PARD3B: variants seen among roughly 807,000 people sequenced by gnomAD.
The protein encoded by PARD3B is partitioning defective 3 homolog B.
PARD3B carries 103 observed loss-of-function variants against 130.2 expected under a neutral mutation model. The observed-to-expected ratio is 0.79, with a 90% confidence interval of 0.67 to 0.93. PARD3B has a LOEUF of 0.93. Among genes scored for constraint, PARD3B ranks in the 40% least tolerant of loss-of-function variants. The probability of loss-of-function intolerance (pLI) is 0.00; values close to 1 mark genes in which losing one functional copy is unlikely to be tolerated. For missense variants in PARD3B, 1,609 were observed against 1,499.2 expected (o/e 1.07, Z -1.21); for synonymous variants, 583 against 553.2 (o/e 1.05, Z -0.76).
At chr2:205,054,716 T>G (rs1699526310) in intron 4 of PARD3B, among the ~76,000 whole-genome samples, 1 of 151,892 alleles carries the variant, frequency 6.6e-6, no homozygotes, top group Non-Finnish European at 1.5e-5. Flanking sequence ...GACTAATCCC[T>G]TAGATGCCCA....
chr2:204,668,739 T>C (rs1412322705), intron 1 of PARD3B, among the ~76,000 whole-genome samples: 2 of 152,342 alleles, frequency 1.3e-5, no homozygotes, highest in South Asian at 4.1e-4. Context: ...GAAAGATGTC[T>C]ACTTCCTAGT....
At chr2:205,454,771 C>A (rs2048214892) in intron 20 of PARD3B, among the ~76,000 whole-genome samples, 1 of 152,108 alleles carries the variant, frequency 6.6e-6, no homozygotes, top group Non-Finnish European at 1.5e-5. Flanking sequence ...ATATACTATG[C>A]CCTCTACTGA....
intron 15 of PARD3B, among the ~76,000 whole-genome samples, chr2:205,224,479 T>G (rs2125879724): frequency 6.6e-6 from 1 of 151,736 alleles, no homozygotes; most frequent in South Asian, 2.1e-4. Context: ...ATACTAGATC[T>G]TATTCTGACT....
At chr2:205,342,970 A>G (rs767725305) in intron 18 of PARD3B, among the ~76,000 whole-genome samples, 11 of 152,174 alleles carry the variant, frequency 7.2e-5, no homozygotes, top group Non-Finnish European at 1.5e-4. Context: ...AGCTTTTACC[A>G]ATTTGGCAAC....
intron 10 of PARD3B, among the ~76,000 whole-genome samples, chr2:205,133,802 T>C (rs918430308): frequency 6.6e-6 from 1 of 152,212 alleles, no homozygotes; most frequent in Non-Finnish European, 1.5e-5. Context: ...TGTACTTGAC[T>C]TTCTCAGGTC....
intron 1 of PARD3B, among the ~76,000 whole-genome samples, chr2:204,607,095 A>C (rs954580459): frequency 3.9e-5 from 6 of 152,152 alleles, no homozygotes; most frequent in Non-Finnish European, 8.8e-5. Context: ...CATAGTCACT[A>C]GGGTTCTGAG....
intron 1 of PARD3B, among the ~76,000 whole-genome samples, chr2:204,599,951 A>T (rs1309926242): frequency 6.6e-6 from 1 of 151,582 alleles, no homozygotes; most frequent in Non-Finnish European, 1.5e-5. Flanking sequence ...GATGTTAAGC[A>T]TTTTTTCACA....
intron 2 of PARD3B, among the ~76,000 whole-genome samples, chr2:204,879,954 A>G (rs960802107): frequency 2.0e-5 from 3 of 152,222 alleles, no homozygotes; most frequent in African/African-American, 4.8e-5. Flanking sequence ...GATGATTAGT[A>G]GAGTTTCAGT....
rs183559462 is a variant in PARD3B, at chr2:205,521,752, T to G, written c.3180+21721T>G. On this transcript the variant is annotated intron_variant, in intron 21 of 22. Transcript: ENST00000406610. ...GTGAAATTGATAAGTACGTTTGTTTTTTTGTTTGTTTGTTTCTAACTTTAG... is the reference window on the plus strand; with the variant it reads ...GTGAAATTGATAAGTACGTTTGTTTGTTTGTTTGTTTGTTTCTAACTTTAG... Among the ~76,000 whole-genome samples the G allele has an allele frequency of 4.6e-5, 7 of 152,244 alleles. No individual in the cohort carries two copies. The East Asian group carries it at 9.6e-4, about 21-fold the overall frequency.
chr2:204,578,998 C>T (rs149605565), intron 1 of PARD3B, among the ~76,000 whole-genome samples: 27 of 151,908 alleles, frequency 1.8e-4, no homozygotes, highest in African/African-American at 6.3e-4. Context: ...TGTCAGGAAG[C>T]GTGTGGTCTT....
chr2:205,286,167 G>A (rs901696581), intron 16 of PARD3B, among the ~76,000 whole-genome samples: 4 of 151,950 alleles, frequency 2.6e-5, no homozygotes, highest in African/African-American at 9.7e-5. Context: ...TTTTGGGGGA[G>A]TATTAGCAGT....
chr2:205,468,664 T>C (rs538498963), intron 20 of PARD3B, among the ~76,000 whole-genome samples: 1 of 152,152 alleles, frequency 6.6e-6, no homozygotes, highest in Non-Finnish European at 1.5e-5. Context: ...GTAGCACTGG[T>C]TCTCACGTCT....
chr2:205,534,364 G>A (rs1310854984), intron 21 of PARD3B, among the ~76,000 whole-genome samples: 1 of 152,196 alleles, frequency 6.6e-6, no homozygotes, highest in Non-Finnish European at 1.5e-5. Flanking sequence ...GGAGCAAGAT[G>A]CTTGGGAAGC....
chr2:205,185,943 T>C (rs545677042), intron 14 of PARD3B, 80 bp downstream of exon 14: 4 of 1,111,814 alleles, frequency 3.6e-6, no homozygotes, highest in Non-Finnish European at 5.5e-6. Flanking sequence ...TCAGCAAACT[T>C]ATTTTAACTC....
At chr2:204,796,089 A>C (rs1334239337) in intron 2 of PARD3B, among the ~76,000 whole-genome samples, 1 of 152,230 alleles carries the variant, frequency 6.6e-6, no homozygotes, top group Non-Finnish European at 1.5e-5. Flanking sequence ...TAGTCCAAAA[A>C]GATGTTAATG....
intron 2 of PARD3B, among the ~76,000 whole-genome samples, chr2:204,703,815 A>T (rs2125282220): frequency 6.6e-6 from 1 of 152,302 alleles, no homozygotes; most frequent in East Asian, 1.9e-4. Flanking sequence ...TGTATAATTT[A>T]TAAAGAAAAT....
In PARD3B at chr2:205,584,925, C is replaced by A. The variant is rs17596643; in HGVS notation, c.3261-30531C>A. Among the ~76,000 whole-genome samples, 32,659 of 152,034 alleles carry A rather than the reference C, an allele frequency of 0.21. 4,400 individuals carry two copies. The highest frequency in any genetic ancestry group is 0.46 in the East Asian group (2,383 of 5,140). Reference sequence around the variant, plus strand: ...ACACCTGGATTTCTGGATAATTGCACCCACAAGTGGCTACATGCAGACACA... The same window carrying A: ...ACACCTGGATTTCTGGATAATTGCAACCACAAGTGGCTACATGCAGACACA... On this transcript the variant is annotated intron_variant, in intron 22 of 22. Coordinates refer to ENST00000406610, the MANE Select transcript of PARD3B (RefSeq NM_001302769.2). The surrounding 1 kb of genome is among the most constrained non-coding windows in gnomAD (Gnocchi z 5.5).
At chr2:205,271,781 A>C (rs2105800693) in intron 16 of PARD3B, among the ~76,000 whole-genome samples, 1 of 152,364 alleles carries the variant, frequency 6.6e-6, no homozygotes. Context: ...CTTTTAAAAG[A>C]AAACATATCA....
intron 2 of PARD3B, among the ~76,000 whole-genome samples, chr2:204,713,776 A>G (rs76023052): frequency 0.012 from 1,843 of 152,098 alleles, 24 homozygotes; most frequent in African/African-American, 0.042. Flanking sequence ...TCCTCTCTCT[A>G]TATATACACA....
Sources: gnomAD v4.1 joint callset for allele counts (sites outside exome capture counted in the v4.1 genomes callset) on GRCh38, gnomAD v4.1.1 for gene constraint, Gnocchi (gnomAD v3.1) non-coding constraint, MANE v1.5 for transcripts, NCBI Gene and HGNC (gene_info 2026-07-23, HGNC 2026-07-21) for gene names.